WSCD2: variants seen among roughly 807,000 people sequenced by gnomAD.
WSCD2 encodes sialate:O-sulfotransferase 2.
A neutral mutation model predicts 55.7 loss-of-function variants in WSCD2; 28 were observed. That is an observed-to-expected ratio of 0.50 (90% CI 0.37 to 0.69). WSCD2 has a LOEUF of 0.69. Ranked by LOEUF, WSCD2 falls within the 30% of genes least tolerant of loss-of-function variation. The pLI, the probability that WSCD2 is intolerant of heterozygous loss-of-function variation, is 0.00. For missense variants in WSCD2, 616 were observed against 762.1 expected (o/e 0.81, Z 2.26); for synonymous variants, 301 against 301.9 (o/e 1.00, Z 0.03).
At position 108,240,690 on chromosome 12, in the gene WSCD2, G is replaced by A. The variant is rs1424580330; in HGVS notation, c.1345+146G>A. The A allele has an allele frequency of 5.2e-6, 5 of 957,878 alleles. No homozygotes were observed. The African/African-American group carries it at 8.2e-5, about 16-fold the overall frequency. 59.3% of individuals were successfully genotyped at this position (957,878 alleles called of 1,614,324 possible). ...CTGGAGGACATCCTGGAGGGCGCGTGTCATGCTCCAGTCCTTGCTTCCAGT... is the reference window on the plus strand; with the variant it reads ...CTGGAGGACATCCTGGAGGGCGCGTATCATGCTCCAGTCCTTGCTTCCAGT... On this transcript the variant is annotated intron_variant, in intron 8 of 8. Transcript: ENST00000547525.
chr12:108,181,388 C>A (rs531697042), intron 1 of WSCD2, among the ~76,000 whole-genome samples: 1 of 152,226 alleles, frequency 6.6e-6, no homozygotes, highest in Admixed American at 6.5e-5. Flanking sequence ...TTCAAAGAAT[C>A]CCAAATAAAT....
At position 108,212,728 on chromosome 12, in the gene WSCD2, C is replaced by T. The variant is rs75769097; in HGVS notation, c.682+2423C>T. Among the ~76,000 whole-genome samples the T allele has an allele frequency of 9.9e-3, 1,503 of 152,178 alleles. 19 individuals carry two copies. The highest frequency in any genetic ancestry group is 0.032 in the African/African-American group (1,319 of 41,506). ...TGAGCTGGGGGGCTGCTGGCAGGAA[C>T]AATGCTGCACCCCTCACCTGCCCCC... On this transcript the variant is annotated intron_variant, in intron 4 of 8. Coordinates refer to ENST00000547525, the MANE Select transcript of WSCD2 (RefSeq NM_014653.4).
intron 4 of WSCD2, among the ~76,000 whole-genome samples, chr12:108,212,484 T>C (rs1886318519): frequency 6.6e-6 from 1 of 151,874 alleles, no homozygotes; most frequent in African/African-American, 2.4e-5. Context: ...TCTCTCTCAA[T>C]ATCTCTTTCT....
intron 1 of WSCD2, among the ~76,000 whole-genome samples, chr12:108,179,576 G>T (rs1881397803): frequency 6.6e-6 from 1 of 152,222 alleles, no homozygotes; most frequent in Non-Finnish European, 1.5e-5. Flanking sequence ...TTGTACATGA[G>T]ATTCCTTCAG....
At chr12:108,196,250 G>A (rs1315465462) in intron 2 of WSCD2, 36 bp downstream of exon 2, 2 of 1,569,556 alleles carry the variant, frequency 1.3e-6, no homozygotes, top group Non-Finnish European at 1.7e-6. Context: ...TGAGGGGCTG[G>A]GGAGAAGGGA....
chr12:108,214,300 A>G lies in WSCD2; in HGVS notation c.682+3995A>G, dbSNP rs549297175. ...TTCTGGTGGGGCATCTGCCTCGCACAGGATGCCAGCCTACGTGTTTCTGAG... is the reference window on the plus strand; with the variant it reads ...TTCTGGTGGGGCATCTGCCTCGCACGGGATGCCAGCCTACGTGTTTCTGAG... On this transcript the variant is annotated intron_variant, in intron 4 of 8. Coordinates refer to ENST00000547525, the MANE Select transcript of WSCD2 (RefSeq NM_014653.4). 3.3e-5 allele frequency among the ~76,000 whole-genome samples: 5 copies of G among 152,354 alleles called. No homozygotes were observed. The South Asian group carries it at 1.0e-3, about 32-fold the overall frequency.
intron 1 of WSCD2, among the ~76,000 whole-genome samples, chr12:108,150,255 C>T (rs1016393707): frequency 2.6e-5 from 4 of 152,118 alleles, no homozygotes; most frequent in Non-Finnish European, 5.9e-5. Flanking sequence ...AAAGGCTGTG[C>T]TCTTAACCAT....
At chr12:108,174,360 C>G (rs995237771) in intron 1 of WSCD2, among the ~76,000 whole-genome samples, 5 of 152,192 alleles carry the variant, frequency 3.3e-5, no homozygotes, top group African/African-American at 9.7e-5. Flanking sequence ...AATCCCAGCT[C>G]TACCACCTGC....
chr12:108,233,072 A>G lies in WSCD2; in HGVS notation c.1144+177A>G, dbSNP rs1888949628. 12 of 764,776 alleles carry G rather than the reference A, an allele frequency of 1.6e-5. No individual in the cohort carries two copies. The South Asian group carries it at 2.4e-4, about 15-fold the overall frequency. 47.4% of individuals were successfully genotyped at this position (764,776 alleles called of 1,614,324 possible). On this transcript the variant is annotated intron_variant, in intron 7 of 8. Coordinates refer to ENST00000547525, the MANE Select transcript of WSCD2 (RefSeq NM_014653.4). Reference sequence around the variant, plus strand: ...ACCCCCCCACCTTCCTTTATGCCCCACAAACATTTCTTAAGTCATGTCCTG... The same window carrying G: ...ACCCCCCCACCTTCCTTTATGCCCCGCAAACATTTCTTAAGTCATGTCCTG...
chr12:108,158,198 C>T (rs557965119), intron 1 of WSCD2, among the ~76,000 whole-genome samples: 2 of 152,284 alleles, frequency 1.3e-5, no homozygotes, highest in South Asian at 2.1e-4. Context: ...CTACTGACCT[C>T]GTTTCTGGAG....
intron 4 of WSCD2, among the ~76,000 whole-genome samples, chr12:108,221,578 T>G (rs898104700): frequency 6.6e-6 from 1 of 152,138 alleles, no homozygotes; most frequent in Non-Finnish European, 1.5e-5. Context: ...GGCCACAAGA[T>G]GGAAGACTGT....
At chr12:108,239,826 G>A (rs944188463) in intron 7 of WSCD2, among the ~76,000 whole-genome samples, 5 of 152,080 alleles carry the variant, frequency 3.3e-5, no homozygotes, top group African/African-American at 7.2e-5. Flanking sequence ...CAATCCTCCC[G>A]CTTCAGCCCC....
intron 1 of WSCD2, among the ~76,000 whole-genome samples, chr12:108,159,791 G>A (rs1488379348): frequency 2.0e-5 from 3 of 152,210 alleles, no homozygotes; most frequent in Non-Finnish European, 2.9e-5. Flanking sequence ...GCTGGGGAAT[G>A]CAGGCGTGGG....
chr12:108,198,429 C>G (rs1207697834), intron 2 of WSCD2, among the ~76,000 whole-genome samples: 3 of 152,202 alleles, frequency 2.0e-5, no homozygotes, highest in African/African-American at 7.2e-5. Flanking sequence ...TGATCAAATG[C>G]TCCTCCTCTA....
At position 108,213,575 on chromosome 12, in the gene WSCD2, G is replaced by A. The variant is rs1487545811; in HGVS notation, c.682+3270G>A. Among the ~76,000 whole-genome samples, 10 of 152,172 alleles carry A rather than the reference G, an allele frequency of 6.6e-5. No individual in the cohort carries two copies. In the South Asian group the frequency reaches 1.7e-3, roughly 25 times the overall value. On this transcript the variant is annotated intron_variant, in intron 4 of 8. Coordinates refer to ENST00000547525, the MANE Select transcript of WSCD2 (RefSeq NM_014653.4). Reference sequence around the variant, plus strand: ...AGAAGGGGGCAGCTCGATAAAGGAGGGGACATTTGACAAGAGCCTTGAAAG... The same window carrying A: ...AGAAGGGGGCAGCTCGATAAAGGAGAGGACATTTGACAAGAGCCTTGAAAG...
At position 108,249,245 on chromosome 12, in the gene WSCD2, C is replaced by T. The variant is rs1890293943; in HGVS notation, c.*902C>T. On this transcript the variant is annotated 3_prime_UTR_variant, in exon 9 of 9. Transcript: ENST00000547525. ...TCTTACACTGCCCTTCTGACCCCTA[C>T]AAATGGGTCCTTTGCTATCCAGGTG... is the stretch of plus-strand genomic sequence containing the variant. The T allele has an allele frequency of 6.5e-6, 1 of 152,758 alleles. No homozygotes were observed. Among genetic ancestry groups the T allele is most frequent in the Admixed American group, 6.5e-5 (1 of 15,306 alleles). 9.5% of individuals were successfully genotyped at this position (152,758 alleles called of 1,614,324 possible). A position where few individuals can be genotyped will look rare whatever the true frequency, so the allele number is the denominator to read the frequency against.
At chr12:108,181,476 G>A (rs1881751042) in intron 1 of WSCD2, among the ~76,000 whole-genome samples, 1 of 152,172 alleles carries the variant, frequency 6.6e-6, no homozygotes. Flanking sequence ...CCTCTGGCCT[G>A]GGATAAGAAG....
intron 2 of WSCD2, among the ~76,000 whole-genome samples, chr12:108,198,503 A>C (rs1884249113): frequency 6.6e-6 from 1 of 152,194 alleles, no homozygotes; most frequent in African/African-American, 2.4e-5. Context: ...CCCCTGATAG[A>C]ATATGAATTC....
intron 1 of WSCD2, chr12:108,167,275 T>C (rs1263342461): frequency 6.6e-6 from 1 of 152,236 alleles, no homozygotes; most frequent in African/African-American, 2.4e-5. Flanking sequence ...ATCATTGCTG[T>C]AATTGTTCTT....
Sources: gnomAD v4.1 joint callset for allele counts (sites outside exome capture counted in the v4.1 genomes callset) on GRCh38, gnomAD v4.1.1 for gene constraint, MANE v1.5 for transcripts, NCBI Gene and HGNC (gene_info 2026-07-23, HGNC 2026-07-21) for gene names.